The following WASF3 variants were observed in gnomAD, a reference collection of about 807,000 sequenced individuals.
WASF3 encodes the protein WASP family member 3, also known as actin-binding protein WASF3.
Under a neutral mutation model 46.6 loss-of-function variants are expected in WASF3, and 11 were observed. The ratio of observed to expected loss-of-function variants is 0.24; its 90% CI spans 0.15 to 0.39. The LOEUF is 0.39. Among genes scored for constraint, WASF3 ranks in the 10% least tolerant of loss-of-function variants. The pLI, the probability that WASF3 is intolerant of heterozygous loss-of-function variation, is 1.00. For synonymous variants in WASF3, 242 were observed against 259.7 expected (o/e 0.93, Z 0.65); for missense variants, 576 against 669.8 (o/e 0.86, Z 1.55).
chr13:26,609,143 A>G (rs1880894689), intron 1 of WASF3, among the ~76,000 whole-genome samples: 4 of 152,182 alleles, frequency 2.6e-5, no homozygotes, highest in Admixed American at 6.5e-5. Context: ...TTTAGATACA[A>G]CCTGTTCTCA....
chr13:26,581,819 A>G (rs1182311779), intron 1 of WASF3, among the ~76,000 whole-genome samples: 2 of 152,258 alleles, frequency 1.3e-5, no homozygotes, highest in Non-Finnish European at 2.9e-5. Flanking sequence ...TATCAAATAC[A>G]GAGGAAAATA....
intron 1 of WASF3, among the ~76,000 whole-genome samples, chr13:26,605,183 C>G (rs1259245929): frequency 6.6e-6 from 1 of 152,144 alleles, no homozygotes; most frequent in East Asian, 1.9e-4. Flanking sequence ...TGGTACCAGT[C>G]CACATTTGTA....
intron 1 of WASF3, among the ~76,000 whole-genome samples, chr13:26,567,896 G>T (rs940152600): frequency 6.6e-6 from 1 of 152,086 alleles, no homozygotes; most frequent in Non-Finnish European, 1.5e-5. Context: ...TGATAAGGTG[G>T]TCAGGGAAGC....
At chr13:26,666,056 T>C (rs1882761767) in intron 4 of WASF3, among the ~76,000 whole-genome samples, 1 of 152,182 alleles carries the variant, frequency 6.6e-6, no homozygotes, top group South Asian at 2.1e-4. Context: ...TCATCTCTCA[T>C]CATTTAAAAA....
rs1026121079 is a variant in WASF3 at position 26,642,502 on chromosome 13, A to G, written c.133+99A>G. The stretch of plus-strand genomic sequence containing the variant: ...TGTCCAAAGAAGAGATTGCAGCTTT[A>G]AGGAAAAGATCCTTTCTCCTTCTGT... On this transcript the variant is annotated intron_variant, in intron 3 of 9. Transcript: ENST00000335327. 8.0e-6 allele frequency: 11 copies of G among 1,371,454 alleles called. No individual in the cohort carries two copies. The African/African-American group carries it at 1.6e-4, about 20-fold the overall frequency. 85.0% of individuals were successfully genotyped at this position (1,371,454 alleles called of 1,614,324 possible).
intron 3 of WASF3, among the ~76,000 whole-genome samples, chr13:26,656,289 C>T (rs189943740): frequency 1.5e-4 from 23 of 152,248 alleles, no homozygotes; most frequent in Admixed American, 3.9e-4. Context: ...CTTAAAACAA[C>T]TGAGTAAAGT....
intron 2 of WASF3, among the ~76,000 whole-genome samples, chr13:26,620,396 A>G (rs570481541): frequency 1.3e-5 from 2 of 152,316 alleles, no homozygotes; most frequent in African/African-American, 4.8e-5. Flanking sequence ...GAAATAAAAT[A>G]TGGGTATATT....
At chr13:26,671,764 C>T in intron 5 of WASF3, 108 bp from the exon 6 acceptor site, 1 of 702,918 alleles carries the variant, frequency 1.4e-6, no homozygotes, top group Non-Finnish European at 2.3e-6. Flanking sequence ...TTTAAGTGCC[C>T]CATGTAGATG....
intron 1 of WASF3, among the ~76,000 whole-genome samples, chr13:26,591,766 C>T (rs1171050922): frequency 2.0e-5 from 3 of 152,042 alleles, no homozygotes; most frequent in Admixed American, 1.3e-4. Context: ...CATTTAAAAC[C>T]ATGAGATCAG....
intron 2 of WASF3, chr13:26,641,377 GC>G (rs1163072744): frequency 6.6e-6 from 1 of 152,122 alleles, no homozygotes; most frequent in African/African-American, 2.4e-5. Flanking sequence ...TTGACCTGCT[GC>G]CCCCAGTTAG....
chr13:26,590,805 C>G (rs757266013), intron 1 of WASF3, among the ~76,000 whole-genome samples: 2 of 152,112 alleles, frequency 1.3e-5, no homozygotes, highest in Non-Finnish European at 2.9e-5. Flanking sequence ...CAAAAAAATC[C>G]CTGCCCTCAC....
At chr13:26,624,377 CAGTGAAACA>C (rs1881402744) in intron 2 of WASF3, among the ~76,000 whole-genome samples, 1 of 151,894 alleles carries the variant, frequency 6.6e-6, no homozygotes, top group Non-Finnish European at 1.5e-5. Flanking sequence ...TAAAAAGGAA[CAGTGAAACA>C]AAAGAAGAAA....
chr13:26,624,969 A>G (rs776752529), intron 2 of WASF3, among the ~76,000 whole-genome samples: 2 of 152,216 alleles, frequency 1.3e-5, no homozygotes, highest in Non-Finnish European at 2.9e-5. Context: ...TTATTGCCAC[A>G]GATCTGCACT....
At chr13:26,567,664 C>T (rs1377104151) in intron 1 of WASF3, among the ~76,000 whole-genome samples, 2 of 150,746 alleles carry the variant, frequency 1.3e-5, no homozygotes, top group Non-Finnish European at 2.9e-5. Context: ...ATGGGGCTCA[C>T]ATTGTAGTAG....
At chr13:26,587,707 G>T (rs538756946) in intron 1 of WASF3, among the ~76,000 whole-genome samples, 13 of 152,198 alleles carry the variant, frequency 8.5e-5, no homozygotes, top group Non-Finnish European at 1.9e-4. Context: ...TCAAGGGGGT[G>T]GTAATTCTCT....
chr13:26,566,840 A>C (rs1879480599), intron 1 of WASF3, among the ~76,000 whole-genome samples: 1 of 152,232 alleles, frequency 6.6e-6, no homozygotes, highest in Non-Finnish European at 1.5e-5. Context: ...CTGGTAGCAT[A>C]ACTAGTCTCT....
intron 3 of WASF3, among the ~76,000 whole-genome samples, chr13:26,653,910 C>G (rs9512303): frequency 0.029 from 4,380 of 152,084 alleles, 74 homozygotes; most frequent in African/African-American, 0.049. Flanking sequence ...ATTTCTTTCT[C>G]TCTTTGCCAG....
Position 26,665,005 on chromosome 13 carries a change from T to C in WASF3, c.134-23T>C, listed in dbSNP as rs952946908. On this transcript the variant is annotated intron_variant, in intron 3 of 9. Coordinates refer to ENST00000335327, the MANE Select transcript of WASF3 (RefSeq NM_006646.6). ...TCATCAGCTCCCTAACAGATGGCCT[T>C]CTCCATTCATTTTATTCTACAGGCA... 7 of 1,613,288 alleles carry C rather than the reference T, an allele frequency of 4.3e-6. No homozygotes were observed. The African/African-American group carries it at 9.3e-5, about 22-fold the overall frequency.
At chr13:26,567,707 A>T (rs57330368) in intron 1 of WASF3, among the ~76,000 whole-genome samples, 132,908 of 150,864 alleles carry the variant, frequency 0.88, 59,316 homozygotes, top group East Asian at 0.98. Flanking sequence ...TTAAAAAAAA[A>T]ATATATATAT....
Sources: gnomAD v4.1 joint callset for allele counts (sites outside exome capture counted in the v4.1 genomes callset) on GRCh38, gnomAD v4.1.1 for gene constraint, MANE v1.5 for transcripts, NCBI Gene and HGNC (gene_info 2026-07-23, HGNC 2026-07-21) for gene names.